Variants in TEX11 observed in about 807,000 individuals in gnomAD.
The protein encoded by TEX11 is testis-expressed protein 11.
TEX11 carries 7 observed loss-of-function variants against 84.4 expected under a neutral mutation model. The ratio of observed to expected loss-of-function variants is 0.08; its 90% CI spans 0.05 to 0.16. The LOEUF is 0.16. Ranked by LOEUF, TEX11 falls within the 10% of genes least tolerant of loss-of-function variation. TEX11 has a pLI of 1.00. For synonymous variants in TEX11, 264 were observed against 222.8 expected, an observed-to-expected ratio of 1.18 and a Z score of -1.64; for missense variants, 551 against 660.5, an observed-to-expected ratio of 0.83 and a Z score of 1.82.
At chrX:70,626,283 T>C (rs999685554) in intron 18 of TEX11, among the ~76,000 whole-genome samples, 5 of 111,030 alleles carry the variant, frequency 4.5e-5, no homozygotes, top group African/African-American at 1.6e-4. Flanking sequence ...GCTCTCAGTG[T>C]TGTACAAGTA....
At chrX:70,656,398 A>C (rs959194766) in intron 16 of TEX11, among the ~76,000 whole-genome samples, 1 of 110,807 alleles carries the variant, frequency 9.0e-6, no homozygotes, top group Non-Finnish European at 1.9e-5. Flanking sequence ...ACTGCACTCC[A>C]GCCTAGGTGA....
At chrX:70,713,096 T>C (rs2090455538) in intron 13 of TEX11, among the ~76,000 whole-genome samples, 1 of 112,050 alleles carries the variant, frequency 8.9e-6, no homozygotes, top group Non-Finnish European at 1.9e-5. Context: ...ATTACGTTTA[T>C]TGATTTGCAT....
the TEX11 span, among the ~76,000 whole-genome samples, chrX:70,519,161 T>C: frequency 8.9e-6 from 1 of 111,987 alleles, no homozygotes; most frequent in African/African-American, 3.2e-5. Context: ...CATTATGATA[T>C]TAGCTGGTTA....
intron 17 of TEX11, among the ~76,000 whole-genome samples, chrX:70,639,679 G>C (rs935111958): frequency 2.7e-5 from 3 of 111,308 alleles, no homozygotes; most frequent in Admixed American, 9.5e-5. Flanking sequence ...CACACTGCAG[G>C]GTACTCCAGC....
chrX:70,896,625 C>A (rs974501016), intron 2 of TEX11, among the ~76,000 whole-genome samples: 2 of 111,257 alleles, frequency 1.8e-5, no homozygotes, highest in African/African-American at 6.5e-5. Flanking sequence ...AACCCAAACG[C>A]CCATCAATGA....
At chrX:70,903,932 C>CACCTCTGG (rs1274806293) in intron 2 of TEX11, among the ~76,000 whole-genome samples, 25 of 106,404 alleles carry the variant, frequency 2.3e-4, no homozygotes, top group African/African-American at 8.3e-4. Flanking sequence ...GCGATCCTCC[C>CACCTCTGG]ACCTCTGGCT....
chrX:70,866,864 C>T (rs2091602166), intron 4 of TEX11, among the ~76,000 whole-genome samples: 1 of 109,740 alleles, frequency 9.1e-6, no homozygotes, highest in Admixed American at 9.7e-5. Flanking sequence ...GCTAAAAACT[C>T]TCATATCTCA....
intron 13 of TEX11, among the ~76,000 whole-genome samples, chrX:70,700,362 A>G (rs2090315933): frequency 8.9e-6 from 1 of 111,772 alleles, no homozygotes; most frequent in African/African-American, 3.3e-5. Context: ...TTTTTCCAAC[A>G]GCATGCACTC....
intron 18 of TEX11, among the ~76,000 whole-genome samples, chrX:70,626,374 T>C (rs1319218190): frequency 9.1e-6 from 1 of 109,449 alleles, no homozygotes. Flanking sequence ...CTCCCCCTAG[T>C]TCTCCACCCC....
At chrX:70,899,636 C>T (rs894131757) in intron 2 of TEX11, among the ~76,000 whole-genome samples, 1 of 107,288 alleles carries the variant, frequency 9.3e-6, no homozygotes, top group African/African-American at 3.4e-5. Context: ...GGCTGGGCAC[C>T]GTGGCTCACA....
intron 9 of TEX11, among the ~76,000 whole-genome samples, chrX:70,758,282 C>T (rs1374508320): frequency 8.9e-6 from 1 of 111,877 alleles, no homozygotes; most frequent in Non-Finnish European, 1.9e-5. Context: ...GCCTAATGGA[C>T]ATCTACAGAA....
chrX:70,525,588 A>C, downstream of TEX11, among the ~76,000 whole-genome samples: 1 of 74,593 alleles, frequency 1.3e-5, no homozygotes, highest in Middle Eastern at 5.5e-3. Context: ...CCCTATCTCA[A>C]AAAAAAAAAA....
intron 17 of TEX11, among the ~76,000 whole-genome samples, chrX:70,650,942 A>G (rs1358770596): frequency 8.9e-6 from 1 of 111,874 alleles, no homozygotes; most frequent in African/African-American, 3.2e-5. Flanking sequence ...AGGCCTCAAC[A>G]TTAATGGGAT....
intron 9 of TEX11, among the ~76,000 whole-genome samples, chrX:70,762,825 G>A (rs1433360586): frequency 9.0e-6 from 1 of 110,835 alleles, no homozygotes. Flanking sequence ...CTTGAGCTCA[G>A]GAGTCCGAGA....
Position 70,789,510 on chromosome X carries a change from T to TG in TEX11, c.692+17194dup, listed in dbSNP as rs1480027342. Among the ~76,000 whole-genome samples, 3 of 111,747 alleles carry TG rather than the reference T, an allele frequency of 2.7e-5. No homozygotes were observed. The Admixed American group carries it at 2.9e-4, about 11-fold the overall frequency. On this transcript the variant is annotated intron_variant, in intron 9 of 29. Transcript: ENST00000374333. Reference sequence around the variant, plus strand: ...GGGAAGCTGAAGCACGATAATCACTTGAACCCTGGAGGCGGAGGTTGAAGT... The same window carrying TG: ...GGGAAGCTGAAGCACGATAATCACTTGGAACCCTGGAGGCGGAGGTTGAAGT...
intron 9 of TEX11, among the ~76,000 whole-genome samples, chrX:70,789,797 T>C (rs189154834): frequency 5.3e-5 from 6 of 112,296 alleles, no homozygotes; most frequent in South Asian, 3.7e-4. Flanking sequence ...CCCCAAATAT[T>C]TGAAGTCAGT....
chrX:70,632,315 A>G (rs1199556411), intron 17 of TEX11, among the ~76,000 whole-genome samples: 6 of 111,696 alleles, frequency 5.4e-5, no homozygotes, highest in Non-Finnish European at 1.1e-4. Flanking sequence ...AAGAATGGAT[A>G]TGATAAAGAT....
intron 25 of TEX11, among the ~76,000 whole-genome samples, chrX:70,589,886 T>C (rs187326469): frequency 8.9e-6 from 1 of 112,384 alleles, no homozygotes; most frequent in East Asian, 2.8e-4. Context: ...TAAATTCTAC[T>C]ATGAGTTATT....
At chrX:70,674,307 G>C (rs947009835) in intron 15 of TEX11, among the ~76,000 whole-genome samples, 2 of 111,693 alleles carry the variant, frequency 1.8e-5, no homozygotes, top group Non-Finnish European at 3.8e-5. Context: ...TCATTGATGG[G>C]CATTTAGGTT....
Sources: gnomAD v4.1 joint callset for allele counts (sites outside exome capture counted in the v4.1 genomes callset) on GRCh38, gnomAD v4.1.1 for gene constraint, MANE v1.5 for transcripts, NCBI Gene and HGNC (gene_info 2026-07-23, HGNC 2026-07-21) for gene names.